The following ABCC5 variants were observed in gnomAD, a reference collection of about 807,000 sequenced individuals.
ABCC5 encodes the protein ATP-binding cassette sub-family C member 5.
Under a neutral mutation model 160.9 loss-of-function variants are expected in ABCC5, and 61 were observed. The ratio of observed to expected loss-of-function variants is 0.38; its 90% CI spans 0.31 to 0.47. The LOEUF is 0.47. Ranked by LOEUF, ABCC5 falls within the 20% of genes least tolerant of loss-of-function variation. The pLI is 0.99. For synonymous variants in ABCC5, 666 were observed against 700.6 expected (o/e 0.95, Z 0.78); for missense variants, 1,308 against 1,813.3 (o/e 0.72, Z 5.06).
rs1364420543 is a variant in ABCC5, at chr3:183,921,825, T to A, written c.4213-424A>T. Among the ~76,000 whole-genome samples the A allele has an allele frequency of 6.6e-6, 1 of 150,714 alleles. No homozygotes were observed. Among genetic ancestry groups the A allele is most frequent in the African/African-American group, 2.4e-5 (1 of 40,914 alleles). Reference sequence around the variant, plus strand: ...TGGGCAGACTGCCTGAGGTGAGGAGTTCAAGACCAGCCTGGCCAACATGGT... The same window carrying A: ...TGGGCAGACTGCCTGAGGTGAGGAGATCAAGACCAGCCTGGCCAACATGGT... On this transcript the variant is annotated intron_variant, in intron 29 of 29. Coordinates refer to ENST00000334444, the MANE Select transcript of ABCC5 (RefSeq NM_005688.4). This position sits in a 1 kb window ranked among gnomAD's most constrained non-coding sequence, Gnocchi z 4.1.
rs190294756 is a variant in ABCC5 at position 183,924,334 on chromosome 3, T to C, written c.4212+1221A>G. ...CGTGCCCGGCCTACTCCACTTCCTATGGACTTTCCCTGAGACTTTGTCTCC... is the reference window on the plus strand; with the variant it reads ...CGTGCCCGGCCTACTCCACTTCCTACGGACTTTCCCTGAGACTTTGTCTCC... On this transcript the variant is annotated intron_variant, in intron 29 of 29. Transcript: ENST00000334444. Among the ~76,000 whole-genome samples, 34 of 152,252 alleles carry C rather than the reference T, an allele frequency of 2.2e-4. No homozygotes were observed. In the East Asian group the frequency reaches 6.0e-3, roughly 27 times the overall value.
intron 8 of ABCC5, among the ~76,000 whole-genome samples, chr3:183,980,731 T>C (rs1325492869): frequency 6.6e-6 from 1 of 151,752 alleles, no homozygotes; most frequent in Non-Finnish European, 1.5e-5. Context: ...TTTTTTTTTT[T>C]TGAGACAGTC....
chr3:183,974,218 A>C (rs1471626897), intron 10 of ABCC5, among the ~76,000 whole-genome samples: 2 of 152,242 alleles, frequency 1.3e-5, no homozygotes, highest in Non-Finnish European at 2.9e-5. Flanking sequence ...AGAAGAATCA[A>C]ATCAGAATGA....
intron 28 of ABCC5, among the ~76,000 whole-genome samples, chr3:183,925,984 G>A (rs1255652812): frequency 8.0e-5 from 12 of 150,176 alleles, no homozygotes; most frequent in Non-Finnish European, 1.5e-4. Context: ...GACTACAGGC[G>A]CCCGCCACCA....
At position 183,935,871 on chromosome 3, in the gene ABCC5, T is replaced by C. The variant is rs377694516; in HGVS notation, c.3854+2030A>G. Among the ~76,000 whole-genome samples the C allele has an allele frequency of 2.5e-4, 38 of 152,230 alleles. 4 individuals are homozygous for C. Among genetic ancestry groups the C allele is most frequent in the Admixed American group, 2.0e-3 (31 of 15,286 alleles). ...ACCTCAATACCCAAAGAGAATGGTT[T>C]ATTATCAACCACAGATACAGTGCAT... On this transcript the variant is annotated intron_variant, in intron 26 of 29. Coordinates refer to ENST00000334444, the MANE Select transcript of ABCC5 (RefSeq NM_005688.4).
In ABCC5 at chr3:183,953,245, T is replaced by A; in HGVS notation, c.2508A>T (p.Lys836Asn). Reference sequence around the variant, plus strand: ...CTGACCAGGGCACTGAACCCTGCCCTTTCTCTTCCAGCTGCACAAGCTGCC... The same window carrying A: ...CTGACCAGGGCACTGAACCCTGCCCATTCTCTTCCAGCTGCACAAGCTGCC... ...EEGQLVQLEEKGQGSVPWSVY... is the reference protein window; with the variant it reads ...EEGQLVQLEENGQGSVPWSVY... Residue 836 changes from lysine to asparagine, a missense_variant, in exon 18 of 30, where the codon AAA (lysine) becomes AAT (asparagine). Physicochemically the swap from Lys to Asn is moderately conservative, Grantham distance 94 (BLOSUM62 0). This residue lies in a region of ABCC5 where 1,142 missense variants were observed against 1,527.1 expected (regional missense o/e 0.75). Transcript: ENST00000334444. 6.2e-7 allele frequency: 1 copy of A among 1,610,072 alleles called. No individual in the cohort carries two copies. Among genetic ancestry groups the A allele is most frequent in the Non-Finnish European group, 8.5e-7 (1 of 1,178,110 alleles).
chr3:183,961,715 T>C, intron 15 of ABCC5, 61 bp from the exon 16 acceptor site: 2 of 1,596,744 alleles, frequency 1.3e-6, no homozygotes, highest in Middle Eastern at 1.7e-4. Flanking sequence ...CAAAAACCCA[T>C]ACATTAGTTC....
Position 183,982,035 on chromosome 3 carries a change from T to G in ABCC5, c.1000-161A>C, listed in dbSNP as rs1718792502. On this transcript the variant is annotated intron_variant, in intron 7 of 29. Transcript: ENST00000334444. The surrounding 1 kb of genome is among the most constrained non-coding windows in gnomAD (Gnocchi z 5.2). ...ACTGTCTTTAATAAAAGTGACCTAT[T>G]GAATTGTAATAAAACATTACTGAAT... is the stretch of plus-strand genomic sequence containing the variant. Among the ~76,000 whole-genome samples the G allele has an allele frequency of 6.6e-6, 1 of 152,220 alleles. No individual in the cohort carries two copies. Among genetic ancestry groups the G allele is most frequent in the South Asian group, 2.1e-4 (1 of 4,828 alleles).
intron 2 of ABCC5, among the ~76,000 whole-genome samples, chr3:184,005,052 C>T (rs1340805940): frequency 6.6e-6 from 1 of 152,124 alleles, no homozygotes; most frequent in Non-Finnish European, 1.5e-5. Flanking sequence ...GCACACTGGG[C>T]CAGAGACAGG....
chr3:183,943,851 A>C (rs941859259), intron 24 of ABCC5, among the ~76,000 whole-genome samples: 1 of 151,472 alleles, frequency 6.6e-6, no homozygotes, highest in Non-Finnish European at 1.5e-5. Context: ...AACACTGCAC[A>C]TATGTACACA....
In ABCC5 at chr3:183,965,426, C is replaced by T; in HGVS notation, c.1909G>A (p.Ala637Thr). 1.2e-6 allele frequency: 2 copies of T among 1,613,930 alleles called. No homozygotes were observed. Among genetic ancestry groups the T allele is most frequent in the Non-Finnish European group, 1.7e-6 (2 of 1,180,038 alleles). The change falls in exon 13 of 30, where the codon GCT (alanine) becomes ACT (threonine). Residue 637 changes from alanine (A) to threonine (T), a missense_variant. By Grantham distance (58) the Ala-to-Thr change is moderately conservative. Coordinates refer to ENST00000334444, the MANE Select transcript of ABCC5 (RefSeq NM_005688.4). The stretch of plus-strand genomic sequence containing the variant: ...AACAGGATGTTGTCTCTCAGAGTAG[C>T]ATTGAGGATCCAGGCCTGCTGGGCC... ...YVAQQAWILN[A>T]TLRDNILFGK...
At chr3:183,931,262 C>T (rs1053680654) in intron 26 of ABCC5, among the ~76,000 whole-genome samples, 22 of 152,034 alleles carry the variant, frequency 1.4e-4, no homozygotes, top group African/African-American at 5.3e-4. Flanking sequence ...AGCGCGGTCT[C>T]CTGCCCACTG....
At chr3:183,983,799 C>T (rs192601450) in intron 5 of ABCC5, 443 of 985,326 alleles carry the variant, frequency 4.5e-4, no homozygotes, top group Middle Eastern at 5.2e-4. Flanking sequence ...ATAAAAGTAC[C>T]ATCTTCAAAG....
chr3:184,005,908 T>TA (rs11429168), intron 2 of ABCC5, among the ~76,000 whole-genome samples: 81,763 of 147,068 alleles, frequency 0.56, 23,559 homozygotes, highest in East Asian at 0.78. Context: ...TTTAGGTACT[T>TA]AAAAAAAAAA....
chr3:183,952,140 A>ACC, intron 18 of ABCC5, 137 bp from the exon 19 acceptor site: 1 of 564,694 alleles, frequency 1.8e-6, no homozygotes. Flanking sequence ...GGCTTTGTCC[A>ACC]CCTCTTTTTT....
chr3:183,956,786 G>A (rs368986008), intron 17 of ABCC5, among the ~76,000 whole-genome samples: 13 of 46,984 alleles, frequency 2.8e-4, no homozygotes, highest in East Asian at 2.0e-3. Context: ...GGTTACATGC[G>A]GATCCGTGTG....
intron 12 of ABCC5, among the ~76,000 whole-genome samples, chr3:183,966,310 T>C (rs1319613788): frequency 6.6e-6 from 1 of 152,190 alleles, no homozygotes; most frequent in African/African-American, 2.4e-5. Context: ...TGATGTGCAC[T>C]TCAAAGGGTT....
intron 2 of ABCC5, among the ~76,000 whole-genome samples, chr3:184,003,818 T>C (rs1363250689): frequency 6.6e-6 from 1 of 152,220 alleles, no homozygotes; most frequent in Non-Finnish European, 1.5e-5. Flanking sequence ...GTTCCTGTTA[T>C]GTTGGGTCTA....
chr3:183,926,673 T>C (rs1023820585), intron 28 of ABCC5, among the ~76,000 whole-genome samples: 6 of 152,192 alleles, frequency 3.9e-5, no homozygotes, highest in South Asian at 2.1e-4. Flanking sequence ...GCTGGTAACA[T>C]ACTGGACAAA....
Sources: gnomAD v4.1 joint callset for allele counts (sites outside exome capture counted in the v4.1 genomes callset) on GRCh38, gnomAD v4.1.1 for gene constraint, gnomAD v4.1.1 regional missense constraint, Gnocchi (gnomAD v3.1) non-coding constraint, MANE v1.5 for transcripts, NCBI Gene and HGNC (gene_info 2026-07-23, HGNC 2026-07-21) for gene names.